Variants in NLGN1 observed in about 807,000 individuals in gnomAD.
NLGN1 encodes the protein neuroligin-1.
A neutral mutation model predicts 65.5 loss-of-function variants in NLGN1; 12 were observed. That is an observed-to-expected ratio of 0.18 (90% CI 0.12 to 0.30). The LOEUF (loss-of-function observed/expected upper bound fraction) is 0.30. Among genes scored for constraint, NLGN1 ranks in the 10% least tolerant of loss-of-function variants. The pLI is 1.00. For missense variants in NLGN1, 750 were observed against 1,007.1 expected (o/e 0.74, Z 3.46); for synonymous variants, 350 against 359.5 (o/e 0.97, Z 0.30).
At chr3:173,456,418 C>A (rs143896105) in intron 2 of NLGN1, among the ~76,000 whole-genome samples, 31 of 152,110 alleles carry the variant, frequency 2.0e-4, no homozygotes, top group South Asian at 8.3e-4. Flanking sequence ...TAATGCTGGG[C>A]AAGTTACTTA....
At chr3:174,073,129 G>A (rs1449844747) in intron 4 of NLGN1, among the ~76,000 whole-genome samples, 1 of 151,466 alleles carries the variant, frequency 6.6e-6, no homozygotes, top group Non-Finnish European at 1.5e-5. Context: ...ATATTTTTAA[G>A]AGAATAATGA....
chr3:173,831,748 A>G (rs1300290293), intron 4 of NLGN1, among the ~76,000 whole-genome samples: 1 of 152,160 alleles, frequency 6.6e-6, no homozygotes, highest in Non-Finnish European at 1.5e-5. Flanking sequence ...CAATTTTTTA[A>G]AACTTTTTAA....
chr3:174,033,337 G>C (rs570545245), intron 4 of NLGN1, among the ~76,000 whole-genome samples: 2 of 152,190 alleles, frequency 1.3e-5, no homozygotes, highest in East Asian at 3.9e-4. Flanking sequence ...CTAACTCCTA[G>C]CCAAATTAAC....
At chr3:173,543,124 C>G (rs530450419) in intron 2 of NLGN1, among the ~76,000 whole-genome samples, 1 of 152,088 alleles carries the variant, frequency 6.6e-6, no homozygotes, top group African/African-American at 2.4e-5. Flanking sequence ...TGTTTGATTT[C>G]AGGACCATAT....
chr3:174,096,349 A>T (rs887524782), intron 4 of NLGN1, among the ~76,000 whole-genome samples: 1 of 151,914 alleles, frequency 6.6e-6, no homozygotes, highest in African/African-American at 2.4e-5. Context: ...GGTTCTCCGC[A>T]GAACATGGGT....
chr3:173,439,373 A>G (rs150892492), intron 2 of NLGN1, among the ~76,000 whole-genome samples: 26 of 152,278 alleles, frequency 1.7e-4, no homozygotes, highest in African/African-American at 6.3e-4. Flanking sequence ...GCGGGAAACT[A>G]TATAGAGGAA....
chr3:173,518,731 AT>A (rs1313126035), intron 2 of NLGN1, among the ~76,000 whole-genome samples: 1 of 152,116 alleles, frequency 6.6e-6, no homozygotes, highest in African/African-American at 2.4e-5. Context: ...TGGAACTTAT[AT>A]TTAAAGAGGA....
chr3:174,115,511 C>T (rs756775618), intron 4 of NLGN1, among the ~76,000 whole-genome samples: 2 of 152,130 alleles, frequency 1.3e-5, no homozygotes, highest in Non-Finnish European at 2.9e-5. Flanking sequence ...ATAAAACCAC[C>T]GTTATAGAAT....
Position 173,930,953 on chromosome 3 carries a change from A to G in NLGN1, c.646+123121A>G, listed in dbSNP as rs114467446. Among the ~76,000 whole-genome samples, 1,058 of 152,318 alleles carry G rather than the reference A, an allele frequency of 6.9e-3. 10 individuals are homozygous for G. Among genetic ancestry groups the G allele is most frequent in the African/African-American group, 0.024 (995 of 41,580 alleles). ...AAAATAGTACTACCTCCTCACTCAC[A>G]GTCTTTTTAAGAAAAGAGAGTGTGT... On this transcript the variant is annotated intron_variant, in intron 4 of 6. Coordinates refer to ENST00000457714, the Ensembl canonical transcript of NLGN1.
intron 2 of NLGN1, among the ~76,000 whole-genome samples, chr3:173,461,817 A>G (rs576277861): frequency 1.3e-5 from 2 of 152,180 alleles, no homozygotes; most frequent in East Asian, 3.9e-4. Flanking sequence ...TACTTTTTCA[A>G]ATTTTTCTTA....
chr3:174,122,794 A>AT (rs879460394), intron 4 of NLGN1, among the ~76,000 whole-genome samples: 47 of 150,396 alleles, frequency 3.1e-4, no homozygotes, highest in East Asian at 1.6e-3. Flanking sequence ...GAGAAGATGA[A>AT]TTTTTTTTTT....
intron 2 of NLGN1, among the ~76,000 whole-genome samples, chr3:173,602,509 A>G (rs1029627569): frequency 6.6e-6 from 1 of 152,164 alleles, no homozygotes; most frequent in African/African-American, 2.4e-5. Context: ...AATTTGCGTT[A>G]AAGTAGCACA....
At chr3:174,066,555 T>TCC (rs1223264038) in intron 4 of NLGN1, among the ~76,000 whole-genome samples, 1 of 147,544 alleles carries the variant, frequency 6.8e-6, no homozygotes, top group Non-Finnish European at 1.5e-5. Context: ...TCTCTCTCTC[T>TCC]CTCTCTCTCT....
chr3:173,823,931 AC>A lies in NLGN1; in HGVS notation c.646+16100del, dbSNP rs1358355364. On this transcript the variant is annotated intron_variant, in intron 4 of 6. Transcript: ENST00000457714. ...TTTCTTGTTAATTTAAAAAAAAAAA[AC>A]AAATCTTTTTTAATGCTCTGTGTTA... Among the ~76,000 whole-genome samples, 971 of 144,032 alleles carry A rather than the reference AC, an allele frequency of 6.7e-3. 16 individuals carry two copies. The highest frequency in any genetic ancestry group is 0.025 in the African/African-American group (915 of 36,242). 94.5% of individuals were successfully genotyped at this position (144,032 alleles called of 152,430 possible).
intron 3 of NLGN1, among the ~76,000 whole-genome samples, chr3:173,770,716 A>G (rs1440485326): frequency 6.6e-6 from 1 of 152,152 alleles, no homozygotes; most frequent in African/African-American, 2.4e-5. Flanking sequence ...TCGACCTTTC[A>G]AAGTCTCAGT....
intron 3 of NLGN1, among the ~76,000 whole-genome samples, chr3:173,627,454 A>G (rs1033763340): frequency 6.6e-5 from 10 of 152,094 alleles, no homozygotes; most frequent in Non-Finnish European, 1.3e-4. Context: ...ATGCACACTT[A>G]GGTTCATTAC....
chr3:174,145,351 A>G (rs1243965398), intron 4 of NLGN1, among the ~76,000 whole-genome samples: 1 of 152,012 alleles, frequency 6.6e-6, no homozygotes, highest in African/African-American at 2.4e-5. Context: ...CTTCTCTACT[A>G]AAAATACAAA....
chr3:173,650,001 C>T (rs138352947), intron 3 of NLGN1, among the ~76,000 whole-genome samples: 136 of 151,930 alleles, frequency 9.0e-4, no homozygotes, highest in Middle Eastern at 3.4e-3. Flanking sequence ...TTTCTTTTTG[C>T]AAAAAAACCT....
At chr3:174,187,004 C>A (rs946308247) in intron 4 of NLGN1, among the ~76,000 whole-genome samples, 5 of 152,000 alleles carry the variant, frequency 3.3e-5, no homozygotes, top group Non-Finnish European at 7.4e-5. Flanking sequence ...TGCATATAAC[C>A]TATACACATC....
Sources: allele counts gnomAD v4.1 joint callset (sites outside exome capture counted in the v4.1 genomes callset), GRCh38; gene constraint gnomAD v4.1.1; transcripts MANE v1.5; gene names NCBI Gene and HGNC (gene_info 2026-07-23, HGNC 2026-07-21).